HECW1: variants seen among roughly 807,000 people sequenced by gnomAD.
The protein encoded by HECW1 is HECT, C2 and WW domain containing E3 ubiquitin protein ligase 1, also known as E3 ubiquitin-protein ligase HECW1.
In HECW1, 61 loss-of-function variants were observed where a neutral mutation model predicts 182.3. The ratio of observed to expected loss-of-function variants is 0.33; its 90% CI spans 0.27 to 0.41. The LOEUF (loss-of-function observed/expected upper bound fraction) is 0.41. HECW1 is among the 10% of genes least tolerant of loss of function. The pLI, the probability that HECW1 is intolerant of heterozygous loss-of-function variation, is 1.00. For missense variants in HECW1, 1,739 were observed against 2,108.9 expected (o/e 0.82, Z 3.44); for synonymous variants, 859 against 832.6 (o/e 1.03, Z -0.55).
At chr7:43,226,456 C>T (rs1016374940) in intron 2 of HECW1, among the ~76,000 whole-genome samples, 1 of 152,178 alleles carries the variant, frequency 6.6e-6, no homozygotes, top group South Asian at 2.1e-4. Flanking sequence ...TGCCCTCCAG[C>T]GCTTGTTACT....
intron 2 of HECW1, among the ~76,000 whole-genome samples, chr7:43,155,653 T>A (rs1789804688): frequency 6.6e-6 from 1 of 152,176 alleles, no homozygotes; most frequent in South Asian, 2.1e-4. Flanking sequence ...AGTGTGTACC[T>A]CTCTACTCAG....
At chr7:43,298,883 C>T (rs932367748) in intron 3 of HECW1, among the ~76,000 whole-genome samples, 2 of 152,156 alleles carry the variant, frequency 1.3e-5, no homozygotes, top group Non-Finnish European at 2.9e-5. Flanking sequence ...GGAGCGAGAC[C>T]GCACTTTAAT....
chr7:43,305,917 C>T (rs557154233), intron 3 of HECW1, among the ~76,000 whole-genome samples: 123 of 152,082 alleles, frequency 8.1e-4, no homozygotes, highest in Non-Finnish European at 1.2e-3. Flanking sequence ...TGTGCCACCA[C>T]GCCTGGCTAA....
At chr7:43,543,072 A>G (rs1343470097) in intron 26 of HECW1, among the ~76,000 whole-genome samples, 1 of 152,232 alleles carries the variant, frequency 6.6e-6, no homozygotes, top group East Asian at 1.9e-4. Context: ...TTCTACTAGC[A>G]TTTATATAAC....
At chr7:43,154,316 G>A (rs373978428) in intron 2 of HECW1, among the ~76,000 whole-genome samples, 2 of 152,198 alleles carry the variant, frequency 1.3e-5, no homozygotes, top group Admixed American at 1.3e-4. Flanking sequence ...TGTTTAGTAG[G>A]TACAAGTTTG....
intron 16 of HECW1, among the ~76,000 whole-genome samples, chr7:43,471,732 G>T (rs1217465414): frequency 6.6e-6 from 1 of 152,130 alleles, no homozygotes; most frequent in Non-Finnish European, 1.5e-5. Flanking sequence ...GAGAGGTAGG[G>T]TGATGGGCCC....
intron 5 of HECW1, among the ~76,000 whole-genome samples, chr7:43,340,649 G>A (rs1426157854): frequency 6.6e-6 from 1 of 151,620 alleles, no homozygotes; most frequent in East Asian, 1.9e-4. Context: ...TTTAGAATTG[G>A]CCCCCTGACA....
chr7:43,484,175 A>G (rs181698927), intron 17 of HECW1: 3 of 152,458 alleles, frequency 2.0e-5, no homozygotes, highest in Non-Finnish European at 4.4e-5. Context: ...ATGGGTGACC[A>G]CTAACGTGTG....
intron 4 of HECW1, among the ~76,000 whole-genome samples, chr7:43,316,769 TCTCTCCTCCCCTCCCCTCCTCTC>T (rs1809347435): frequency 5.8e-5 from 1 of 17,164 alleles, no homozygotes; most frequent in Non-Finnish European, 9.3e-5. Context: ...CCTCCCCTTT[TCTCTCCTCCCCTCCCCTCCTCTC>T]CTCTCCTCTC....
chr7:43,532,755 A>T (rs4720448), intron 24 of HECW1, among the ~76,000 whole-genome samples: 1 of 151,966 alleles, frequency 6.6e-6, no homozygotes, highest in Non-Finnish European at 1.5e-5. Context: ...ATTCTCCCCC[A>T]TCATCACTTC....
At chr7:43,361,808 ACT>A (rs1195454336) in intron 6 of HECW1, among the ~76,000 whole-genome samples, 1 of 134,592 alleles carries the variant, frequency 7.4e-6, no homozygotes, top group Non-Finnish European at 1.6e-5. Flanking sequence ...AATAAAAAAG[ACT>A]CTCTCTTTTT....
At chr7:43,531,462 G>C (rs971302287) in intron 24 of HECW1, among the ~76,000 whole-genome samples, 1 of 152,160 alleles carries the variant, frequency 6.6e-6, no homozygotes, top group African/African-American at 2.4e-5. Context: ...TGATAAGTTT[G>C]TTGAAATTGG....
intron 2 of HECW1, among the ~76,000 whole-genome samples, chr7:43,214,720 G>T (rs1796294113): frequency 6.6e-6 from 1 of 152,234 alleles, no homozygotes; most frequent in Admixed American, 6.5e-5. Context: ...AGACGGCAGG[G>T]TGGCTGGGCA....
Position 43,464,317 on chromosome 7 carries a change from A to G in HECW1, c.2791+518A>G, listed in dbSNP as rs144791744. Among the ~76,000 whole-genome samples the G allele has an allele frequency of 8.5e-3, 1,294 of 152,324 alleles. 15 individuals are homozygous for G. Among genetic ancestry groups the G allele is most frequent in the African/African-American group, 0.029 (1,191 of 41,564 alleles). ...ATCACTTGTTTGTAGAATAAAATTC[A>G]GTTCCCCCAAGAGAGGAACCTGGGA... On this transcript the variant is annotated intron_variant, in intron 14 of 29. Coordinates refer to ENST00000395891, the MANE Select transcript of HECW1 (RefSeq NM_015052.5).
At position 43,432,485 on chromosome 7, in the gene HECW1, G is replaced by C. The variant is rs1204672550; in HGVS notation, c.802-5518G>C. Among the ~76,000 whole-genome samples the C allele has an allele frequency of 1.3e-5, 2 of 152,166 alleles. No homozygotes were observed. Among genetic ancestry groups the C allele is most frequent in the Admixed American group, 1.3e-4 (2 of 15,276 alleles). On this transcript the variant is annotated intron_variant, in intron 8 of 29. Coordinates refer to ENST00000395891, the MANE Select transcript of HECW1 (RefSeq NM_015052.5). This position sits in a 1 kb window ranked among gnomAD's most constrained non-coding sequence, Gnocchi z 4.1. ...TCAGTTAAAGCATTATGTTCTCTAG[G>C]AAATCGTCTCTACCTGTCCATCAGG...
At chr7:43,271,785 CACAGAT>C (rs1184799105) in intron 3 of HECW1, among the ~76,000 whole-genome samples, 5 of 151,798 alleles carry the variant, frequency 3.3e-5, no homozygotes, top group African/African-American at 1.2e-4. Context: ...CAAAGCAATC[CACAGAT>C]ACAACACTAT....
Position 43,444,795 on chromosome 7 carries a change from G to C in HECW1, c.1623G>C (p.Glu541Asp), listed in dbSNP as rs2076992392. 1 of 1,614,110 alleles carries C rather than the reference G, an allele frequency of 6.2e-7. No homozygotes were observed. The highest frequency in any genetic ancestry group is 1.6e-4 in the Middle Eastern group (1 of 6,062). Reference sequence around the variant, plus strand: ...GGCCCTGCTCCTTGCCTGTGTCCGAGCTGGAGACGGTGATCGCGTCAGCCT... The same window carrying C: ...GGCCCTGCTCCTTGCCTGTGTCCGACCTGGAGACGGTGATCGCGTCAGCCT... ...KSRPCSLPVS[E>D]LETVIASACG... Residue 541 changes from glutamate (E) to aspartate (D), a missense_variant, in exon 11 of 30, where the codon GAG (glutamate) becomes GAC (aspartate). By Grantham distance (45) the Glu-to-Asp change is conservative. This residue lies in a region of HECW1 where 971 missense variants were observed against 1,029.1 expected (regional missense o/e 0.94). Coordinates refer to ENST00000395891, the MANE Select transcript of HECW1 (RefSeq NM_015052.5). The surrounding 1 kb of genome is among the most constrained non-coding windows in gnomAD (Gnocchi z 4.3).
At chr7:43,487,888 G>A (rs779608959) in intron 17 of HECW1, among the ~76,000 whole-genome samples, 1 of 151,964 alleles carries the variant, frequency 6.6e-6, no homozygotes, top group Non-Finnish European at 1.5e-5. Context: ...GGGCCCAGGA[G>A]TTTGAGCTTG....
chr7:43,210,939 G>A (rs370816242), intron 2 of HECW1, among the ~76,000 whole-genome samples: 38 of 152,322 alleles, frequency 2.5e-4, no homozygotes, highest in African/African-American at 8.7e-4. Flanking sequence ...TTAATAGAGT[G>A]AAAACAGAGC....
Sources: allele counts gnomAD v4.1 joint callset (sites outside exome capture counted in the v4.1 genomes callset), GRCh38; gene constraint gnomAD v4.1.1; regional missense constraint gnomAD v4.1.1; non-coding constraint Gnocchi (gnomAD v3.1); transcripts MANE v1.5; gene names NCBI Gene and HGNC (gene_info 2026-07-23, HGNC 2026-07-21).